The following CNTN5 variants were observed in gnomAD, a reference collection of about 807,000 sequenced individuals.
CNTN5 encodes contactin 5, also known as contactin-5.
Under a neutral mutation model 129.1 loss-of-function variants are expected in CNTN5, and 77 were observed. The observed-to-expected ratio is 0.60, with a 90% CI of 0.50 to 0.72. The LOEUF is 0.72. Ranked by LOEUF, CNTN5 falls within the 30% of genes least tolerant of loss-of-function variation. CNTN5 has a pLI of 0.00. For missense variants in CNTN5, 1,478 were observed against 1,328.8 expected (o/e 1.11, Z -1.75); for synonymous variants, 509 against 465.6 (o/e 1.09, Z -1.20).
chr11:99,238,385 A>T (rs1302833936), intron 1 of CNTN5, among the ~76,000 whole-genome samples: 1 of 152,184 alleles, frequency 6.6e-6, no homozygotes, highest in African/African-American at 2.4e-5. Context: ...ATCTGAACCT[A>T]CACAATTTCA....
At chr11:99,817,175 A>T (rs115098570) in intron 3 of CNTN5, among the ~76,000 whole-genome samples, 3 of 152,180 alleles carry the variant, frequency 2.0e-5, no homozygotes, top group Admixed American at 2.0e-4. Flanking sequence ...TTGTTTCCCT[A>T]GCATTTGGCA....
At chr11:99,932,287 G>C (rs1434822439) in intron 7 of CNTN5, among the ~76,000 whole-genome samples, 1 of 152,080 alleles carries the variant, frequency 6.6e-6, no homozygotes, top group Admixed American at 6.6e-5. Context: ...TCGCCTCCCG[G>C]GTTCCAGCAA....
chr11:99,422,558 A>C (rs1295765001), intron 2 of CNTN5, among the ~76,000 whole-genome samples: 8 of 125,178 alleles, frequency 6.4e-5, no homozygotes, highest in Middle Eastern at 4.4e-3. Flanking sequence ...ATATATATAT[A>C]TATCTGTATT....
intron 13 of CNTN5, among the ~76,000 whole-genome samples, chr11:100,138,656 CAG>C (rs1489404271): frequency 6.6e-6 from 1 of 151,900 alleles, no homozygotes; most frequent in Non-Finnish European, 1.5e-5. Flanking sequence ...CGTAGGAGGA[CAG>C]AATGTGTGAG....
intron 8 of CNTN5, among the ~76,000 whole-genome samples, chr11:99,990,447 T>TACACAC (rs774953191): frequency 5.2e-5 from 4 of 76,952 alleles, no homozygotes; most frequent in African/African-American, 1.8e-4. Context: ...TTTTAGAATA[T>TACACAC]ATATATATAC....
At chr11:99,129,588 A>G (rs1404231743) in intron 1 of CNTN5, among the ~76,000 whole-genome samples, 1 of 152,186 alleles carries the variant, frequency 6.6e-6, no homozygotes, top group Admixed American at 6.5e-5. Context: ...ACAGGCCAAC[A>G]TTAAAATTCA....
At chr11:99,923,732 A>ATCTGTCTATCTAATCTATCTG (rs1565681682) in intron 7 of CNTN5, among the ~76,000 whole-genome samples, 1 of 149,036 alleles carries the variant, frequency 6.7e-6, no homozygotes, top group Non-Finnish European at 1.5e-5. Context: ...CCTCACCAAT[A>ATCTGTCTATCTAATCTATCTG]TCTGTCTATC....
At chr11:99,584,365 C>T (rs1591317543) in intron 3 of CNTN5, among the ~76,000 whole-genome samples, 1 of 152,306 alleles carries the variant, frequency 6.6e-6, no homozygotes, top group African/African-American at 2.4e-5. Context: ...TGCAGAGCTT[C>T]TCATGCTGTT....
intron 16 of CNTN5, among the ~76,000 whole-genome samples, chr11:100,246,052 T>C (rs1949834154): frequency 1.3e-5 from 2 of 152,130 alleles, no homozygotes; most frequent in Admixed American, 6.6e-5. Context: ...GTACATTTTT[T>C]CATTTTTGAA....
intron 9 of CNTN5, among the ~76,000 whole-genome samples, chr11:100,041,061 G>A (rs1942351777): frequency 1.3e-5 from 2 of 152,166 alleles, no homozygotes; most frequent in Admixed American, 1.3e-4. Context: ...CCCATCTTCT[G>A]CGTCACTCAC....
chr11:99,250,940 T>C (rs1354902138), intron 1 of CNTN5, among the ~76,000 whole-genome samples: 1 of 151,928 alleles, frequency 6.6e-6, no homozygotes, highest in East Asian at 1.9e-4. Context: ...TTCATATGGT[T>C]ATTTTGAGTG....
chr11:100,080,395 A>C (rs2137925183), intron 13 of CNTN5, among the ~76,000 whole-genome samples: 1 of 152,234 alleles, frequency 6.6e-6, no homozygotes, highest in East Asian at 1.9e-4. Flanking sequence ...GAAAGGCAAA[A>C]TTTTCAACTT....
intron 18 of CNTN5, among the ~76,000 whole-genome samples, chr11:100,281,132 T>A (rs773650628): frequency 4.6e-5 from 7 of 152,166 alleles, no homozygotes. Flanking sequence ...TACTCCACAG[T>A]TACAGTGTTA....
intron 8 of CNTN5, among the ~76,000 whole-genome samples, chr11:99,958,098 GA>G (rs1208417803): frequency 6.6e-6 from 1 of 152,054 alleles, no homozygotes; most frequent in Non-Finnish European, 1.5e-5. Context: ...AAGAAATGAT[GA>G]AAATTGCTAA....
chr11:100,289,994 C>A (rs1236778981), intron 18 of CNTN5, among the ~76,000 whole-genome samples: 15 of 150,830 alleles, frequency 9.9e-5, no homozygotes, highest in Non-Finnish European at 1.5e-4. Flanking sequence ...CATGAGTGAA[C>A]TCCCATTCAC....
chr11:100,061,430 CA>C, intron 10 of CNTN5, 37 bp downstream of exon 10: 1 of 1,416,950 alleles, frequency 7.1e-7, no homozygotes. Flanking sequence ...GCTCTAGTCC[CA>C]AAAGTCAAAC....
At chr11:100,302,275 T>C (rs544184443) in intron 20 of CNTN5, among the ~76,000 whole-genome samples, 60 of 151,590 alleles carry the variant, frequency 4.0e-4, no homozygotes, top group Non-Finnish European at 8.0e-4. Flanking sequence ...TAATATATTA[T>C]ACTCTTGCCA....
intron 13 of CNTN5, among the ~76,000 whole-genome samples, chr11:100,091,654 C>T (rs1033727164): frequency 2.0e-5 from 3 of 151,848 alleles, no homozygotes; most frequent in Non-Finnish European, 4.4e-5. Flanking sequence ...GTCTTGAACT[C>T]CTGACCTTGT....
intron 2 of CNTN5, among the ~76,000 whole-genome samples, chr11:99,498,595 A>G (rs7113227): frequency 0.22 from 32,864 of 152,094 alleles, 3,771 homozygotes; most frequent in Non-Finnish European, 0.25. Flanking sequence ...CAGTATTCAG[A>G]TACGGAGTTT....
Sources: gnomAD v4.1 joint callset for allele counts (sites outside exome capture counted in the v4.1 genomes callset) on GRCh38, gnomAD v4.1.1 for gene constraint, MANE v1.5 for transcripts, NCBI Gene and HGNC (gene_info 2026-07-23, HGNC 2026-07-21) for gene names.